The following MAML3 variants were observed in gnomAD, a reference collection of about 807,000 sequenced individuals.
MAML3 encodes the protein mastermind like transcriptional coactivator 3.
Under a neutral mutation model 101.9 loss-of-function variants are expected in MAML3, and 27 were observed. The ratio of observed to expected loss-of-function variants is 0.27; its 90% confidence interval spans 0.20 to 0.37. The LOEUF is 0.37. Among genes scored for constraint, MAML3 ranks in the 10% least tolerant of loss-of-function variants. The pLI is 1.00. For missense variants in MAML3, 1,316 were observed against 1,444.9 expected, an observed-to-expected ratio of 0.91 and a Z score of 1.45; for synonymous variants, 501 against 555.9, an observed-to-expected ratio of 0.90 and a Z score of 1.39.
At chr4:139,917,523 G>A (rs1252649053) in intron 1 of MAML3, among the ~76,000 whole-genome samples, 2 of 152,156 alleles carry the variant, frequency 1.3e-5, no homozygotes, top group African/African-American at 4.8e-5. Flanking sequence ...TGAGGAGGGG[G>A]AATGCCACAG....
chr4:139,755,465 G>A (rs554633292), intron 2 of MAML3, among the ~76,000 whole-genome samples: 82 of 152,232 alleles, frequency 5.4e-4, no homozygotes, highest in East Asian at 1.5e-3. Context: ...AAAATTAGCC[G>A]GGTGTGGTGG....
At chr4:140,003,404 A>AGG (rs1278374785) in intron 1 of MAML3, among the ~76,000 whole-genome samples, 1 of 152,144 alleles carries the variant, frequency 6.6e-6, no homozygotes, top group African/African-American at 2.4e-5. Context: ...TAAGGAGAAA[A>AGG]AGAACGAAAT....
intron 2 of MAML3, among the ~76,000 whole-genome samples, chr4:139,874,258 C>T (rs1202413146): frequency 6.6e-6 from 1 of 151,976 alleles, no homozygotes; most frequent in African/African-American, 2.4e-5. Flanking sequence ...ATGTTTTCCT[C>T]ATTTAAAATC....
chr4:139,756,536 T>C (rs1377330765), intron 2 of MAML3, among the ~76,000 whole-genome samples: 1 of 152,188 alleles, frequency 6.6e-6, no homozygotes, highest in Non-Finnish European at 1.5e-5. Context: ...CCCGAGGCAC[T>C]AGCTAACTTC....
intron 1 of MAML3, among the ~76,000 whole-genome samples, chr4:140,119,605 C>CCCTCCCTTTCTT (rs1728571636): frequency 9.2e-6 from 1 of 108,536 alleles, no homozygotes; most frequent in Non-Finnish European, 1.8e-5. Context: ...CTCCCTCCCT[C>CCCTCCCTTTCTT]CCTCCCTTCC....
intron 1 of MAML3, among the ~76,000 whole-genome samples, chr4:139,926,314 T>C (rs1353061451): frequency 2.0e-5 from 3 of 152,186 alleles, no homozygotes; most frequent in Non-Finnish European, 4.4e-5. Context: ...ATGCCTACTA[T>C]AGGGCCAGGC....
intron 1 of MAML3, chr4:140,133,184 TTTA>T: frequency 5.1e-6 from 2 of 392,226 alleles, no homozygotes; most frequent in Non-Finnish European, 1.0e-5. Context: ...AAAAAGAGAG[TTTA>T]CTTTAAAAGT....
At chr4:139,953,130 A>G (rs1733859192) in intron 1 of MAML3, among the ~76,000 whole-genome samples, 1 of 152,240 alleles carries the variant, frequency 6.6e-6, no homozygotes, top group Admixed American at 6.5e-5. Flanking sequence ...TTTTTAAAAA[A>G]GAATGTGCCT....
chr4:139,915,573 G>T (rs150418449), intron 1 of MAML3, among the ~76,000 whole-genome samples: 1 of 152,128 alleles, frequency 6.6e-6, no homozygotes, highest in Non-Finnish European at 1.5e-5. Flanking sequence ...TGTAGGCTAC[G>T]ATTGAGATCT....
At chr4:140,000,703 A>G (rs1055809254) in intron 1 of MAML3, among the ~76,000 whole-genome samples, 1 of 152,152 alleles carries the variant, frequency 6.6e-6, no homozygotes, top group Non-Finnish European at 1.5e-5. Context: ...TGTGTTAATA[A>G]CACCCTCAAT....
intron 1 of MAML3, among the ~76,000 whole-genome samples, chr4:140,091,548 C>CAAAAAAAAAAAACAAAAAAAAAAA (rs1728051837): frequency 1.7e-5 from 2 of 121,098 alleles, no homozygotes; most frequent in African/African-American, 6.3e-5. Flanking sequence ...AAAAACAAAA[C>CAAAAAAAAAAAACAAAAAAAAAAA]AAAAAAAAAA....
intron 2 of MAML3, among the ~76,000 whole-genome samples, chr4:139,851,233 T>C (rs1731541545): frequency 1.3e-5 from 2 of 152,240 alleles, no homozygotes; most frequent in Non-Finnish European, 2.9e-5. Flanking sequence ...CATGACAGTA[T>C]GACCATCCAA....
intron 2 of MAML3, among the ~76,000 whole-genome samples, chr4:139,830,309 A>T (rs1308669689): frequency 6.6e-6 from 1 of 152,230 alleles, no homozygotes; most frequent in African/African-American, 2.4e-5. Context: ...GCTATATCAG[A>T]TAACTGCAAT....
intron 2 of MAML3, among the ~76,000 whole-genome samples, chr4:139,869,671 C>T (rs548224305): frequency 1.3e-5 from 2 of 152,220 alleles, no homozygotes; most frequent in Admixed American, 1.3e-4. Flanking sequence ...CAACAAAACA[C>T]ACGTAATATT....
chr4:139,800,183 G>A (rs755765683), intron 2 of MAML3, among the ~76,000 whole-genome samples: 5 of 152,128 alleles, frequency 3.3e-5, no homozygotes, highest in East Asian at 1.9e-4. Context: ...TGCATCAACC[G>A]AAGTAAATAT....
At chr4:139,983,828 A>T (rs1734487148) in intron 1 of MAML3, among the ~76,000 whole-genome samples, 1 of 152,160 alleles carries the variant, frequency 6.6e-6, no homozygotes, top group Admixed American at 6.6e-5. Context: ...TCACTTGATA[A>T]TCCATGGTCA....
intron 2 of MAML3, among the ~76,000 whole-genome samples, chr4:139,793,917 G>C (rs1018456271): frequency 4.6e-5 from 7 of 151,966 alleles, no homozygotes; most frequent in Admixed American, 3.9e-4. Context: ...TAATAAGGAA[G>C]GAAAAGAAAA....
chr4:139,719,020 A>C lies in MAML3; in HGVS notation c.*303T>G. On this transcript the variant is annotated 3_prime_UTR_variant, in exon 5 of 5. Transcript: ENST00000509479. ...AGCTCCTGCTGGGCCAGGCGATCAC[A>C]GGGCATGCTGGGCAGAGGGGCTCTG... The C allele has an allele frequency of 6.3e-6, 2 of 319,524 alleles. No individual in the cohort carries two copies. Among genetic ancestry groups the C allele is most frequent in the Non-Finnish European group, 1.1e-5 (2 of 174,218 alleles). The allele number at this position is 319,524 out of a possible 1,614,324, so 19.8% of individuals were successfully genotyped here. A position where few individuals can be genotyped will look rare whatever the true frequency, so the allele number is the denominator to read the frequency against.
chr4:140,055,475 T>C (rs755148728), intron 1 of MAML3, among the ~76,000 whole-genome samples: 6 of 152,248 alleles, frequency 3.9e-5, no homozygotes, highest in Non-Finnish European at 8.8e-5. Flanking sequence ...TATTACTGGG[T>C]TGCTGTCACT....
Sources: gnomAD v4.1 joint callset for allele counts (sites outside exome capture counted in the v4.1 genomes callset) on GRCh38, gnomAD v4.1.1 for gene constraint, MANE v1.5 for transcripts, NCBI Gene and HGNC (gene_info 2026-07-23, HGNC 2026-07-21) for gene names.